WDR33: variants seen among roughly 807,000 people sequenced by gnomAD.
The protein encoded by WDR33 is pre-mRNA 3' end processing protein WDR33.
A neutral mutation model predicts 164.9 loss-of-function variants in WDR33; 47 were observed. That is an observed-to-expected ratio of 0.29 (90% CI 0.23 to 0.36). The LOEUF (loss-of-function observed/expected upper bound fraction) is 0.36. WDR33 is among the 10% of genes least tolerant of loss of function. The pLI is 1.00. For synonymous variants in WDR33, 505 were observed against 589.0 expected (o/e 0.86, Z 2.06); for missense variants, 1,137 against 1,754.1 (o/e 0.65, Z 6.28).
rs956709161 is a variant in WDR33 at position 127,701,137 on chromosome 2, C to A, written c.*5186G>T. ...ATTCCTCCATGTTGCAAAACTAGCA[C>A]AATATCACCGCCACGGTAGACGCAG... On this transcript the variant is annotated 3_prime_UTR_variant, in exon 22 of 22. Coordinates refer to ENST00000322313, the MANE Select transcript of WDR33 (RefSeq NM_018383.5). 6.1e-6 allele frequency: 1 copy of A among 162,730 alleles called. No homozygotes were observed. The highest frequency in any genetic ancestry group is 1.3e-5 in the Non-Finnish European group (1 of 75,238). The allele number at this position is 162,730 out of a possible 1,614,324, so 10.1% of individuals were successfully genotyped here.
Position 127,718,412 on chromosome 2 carries a change from G to C in WDR33, c.2760+853C>G, listed in dbSNP as rs1686347315. ...TATTCATACCCAAATAATGCCTCCA[G>C]ACTAAGAACTTGAGAAAAGCATAAA... is the stretch of plus-strand genomic sequence containing the variant. On this transcript the variant is annotated intron_variant, in intron 16 of 21. Coordinates refer to ENST00000322313, the MANE Select transcript of WDR33 (RefSeq NM_018383.5). This position sits in a 1 kb window ranked among gnomAD's most constrained non-coding sequence, Gnocchi z 4.4. 6.6e-6 allele frequency among the ~76,000 whole-genome samples: 1 copy of C among 152,046 alleles called. No individual in the cohort carries two copies. Among genetic ancestry groups the C allele is most frequent in the Non-Finnish European group, 1.5e-5 (1 of 68,012 alleles).
At chr2:127,761,565 C>G (rs945099115) in intron 7 of WDR33, among the ~76,000 whole-genome samples, 2 of 152,144 alleles carry the variant, frequency 1.3e-5, no homozygotes, top group Non-Finnish European at 2.9e-5. Flanking sequence ...ATTTTAAAAA[C>G]TTAGAAAATG....
At chr2:127,805,664 G>T (rs1186948314) in intron 1 of WDR33, among the ~76,000 whole-genome samples, 1 of 152,038 alleles carries the variant, frequency 6.6e-6, no homozygotes, top group Admixed American at 6.6e-5. Flanking sequence ...CAAAAAGCAG[G>T]CCAAGAAGAT....
At chr2:127,802,635 A>G (rs1358528191) in intron 1 of WDR33, among the ~76,000 whole-genome samples, 2 of 152,164 alleles carry the variant, frequency 1.3e-5, no homozygotes, top group African/African-American at 2.4e-5. Context: ...ACAGGTGCTT[A>G]AAAATTTTTT....
rs1410814408 is a variant in WDR33, at chr2:127,735,886, T to C, written c.725-9109A>G. 1 of 985,370 alleles carries C rather than the reference T, an allele frequency of 1.0e-6. No homozygotes were observed. The highest frequency in any genetic ancestry group is 1.2e-6 in the Non-Finnish European group (1 of 829,946). 61.0% of individuals were successfully genotyped at this position (985,370 alleles called of 1,614,324 possible). ...TTGGAGTGATTACTATTAGTCATCT[T>C]TGTTGTCCAGTCTAGAAAGTTACAT... On this transcript the variant is annotated intron_variant, in intron 7 of 21. Coordinates refer to ENST00000322313, the MANE Select transcript of WDR33 (RefSeq NM_018383.5). The surrounding 1 kb of genome is among the most constrained non-coding windows in gnomAD (Gnocchi z 4.3).
intron 4 of WDR33, among the ~76,000 whole-genome samples, chr2:127,766,721 TA>T (rs369791713): frequency 0.022 from 3,219 of 148,768 alleles, 125 homozygotes; most frequent in African/African-American, 0.076. Flanking sequence ...ATTCCCTGAT[TA>T]AAAAAAAAAT....
In WDR33 at chr2:127,701,994, A is replaced by G; in HGVS notation, c.*4329T>C. On this transcript the variant is annotated 3_prime_UTR_variant, in exon 22 of 22. Transcript: ENST00000322313. Reference sequence around the variant, plus strand: ...GCTCTACATGGCAGCGCTGGGCGCCACGCTGTTCGCCGCGCTGGGCCTTCG... The same window carrying G: ...GCTCTACATGGCAGCGCTGGGCGCCGCGCTGTTCGCCGCGCTGGGCCTTCG... 7.5e-7 allele frequency: 1 copy of G among 1,332,596 alleles called. No individual in the cohort carries two copies. Among genetic ancestry groups the G allele is most frequent in the East Asian group, 3.3e-5 (1 of 30,446 alleles). The allele number at this position is 1,332,596 out of a possible 1,614,324, so 82.5% of individuals were successfully genotyped here. A position where few individuals can be genotyped will look rare whatever the true frequency, so the allele number is the denominator to read the frequency against.
chr2:127,706,421 G>A lies in WDR33; in HGVS notation c.3913C>T (p.Arg1305Ter). The change falls in exon 22 of 22, where the codon CGA (arginine) becomes TGA (stop). Residue 1305 changes from arginine to a stop codon, truncating the protein, a stop_gained. Transcript: ENST00000322313. LOFTEE classifies it high-confidence loss of function. This position sits in a 1 kb window ranked among gnomAD's most constrained non-coding sequence, Gnocchi z 5.1. The stretch of plus-strand genomic sequence containing the variant: ...CAGTTACTGCCACTCCGGCCCCCTC[G>A]AGAAGGGGTGCCACTGCCTGGAGGG... ...GGPPGSGTPSRGGRSGSNWGR... is the reference protein window; with the variant it reads ...GGPPGSGTPS 2 of 1,613,786 alleles carry A rather than the reference G, an allele frequency of 1.2e-6. No homozygotes were observed. The highest frequency in any genetic ancestry group is 1.7e-6 in the Non-Finnish European group (2 of 1,179,882).
Position 127,764,567 on chromosome 2 carries a change from G to C in WDR33, c.626+261C>G. On this transcript the variant is annotated intron_variant, in intron 6 of 21. Transcript: ENST00000322313. This position sits in a 1 kb window ranked among gnomAD's most constrained non-coding sequence, Gnocchi z 6.2. Reference sequence around the variant, plus strand: ...CGTATACACATTATTAATCATAAATGAAAAGAGAAAACCAGTGCAAAATGC... The same window carrying C: ...CGTATACACATTATTAATCATAAATCAAAAGAGAAAACCAGTGCAAAATGC... The C allele has an allele frequency of 6.5e-7, 1 of 1,550,064 alleles. No individual in the cohort carries two copies. The highest frequency in any genetic ancestry group is 1.7e-4 in the Middle Eastern group (1 of 5,986).
rs1486982700 is a variant in WDR33 at position 127,724,044 on chromosome 2, C to T, written c.1196+289G>A. On this transcript the variant is annotated intron_variant, in intron 11 of 21. Coordinates refer to ENST00000322313, the MANE Select transcript of WDR33 (RefSeq NM_018383.5). The surrounding 1 kb of genome is among the most constrained non-coding windows in gnomAD (Gnocchi z 4.8). ...AGTGAGCTGAGACCGCACCATTGCA[C>T]GCCAGCCTGGACAGAGACCCTGTCT... Among the ~76,000 whole-genome samples the T allele has an allele frequency of 2.6e-5, 4 of 151,492 alleles. No individual in the cohort carries two copies. Among genetic ancestry groups the T allele is most frequent in the South Asian group, 2.1e-4 (1 of 4,746 alleles).
intron 2 of WDR33, 39 bp from the exon 3 acceptor site, chr2:127,769,040 G>C: frequency 1.6e-6 from 1 of 612,882 alleles, no homozygotes; most frequent in Non-Finnish European, 2.2e-6. Flanking sequence ...TAAATAAATA[G>C]ATCAATTAAT....
At chr2:127,737,084 G>T (rs958321780) in intron 7 of WDR33, 27 of 985,220 alleles carry the variant, frequency 2.7e-5, no homozygotes, top group African/African-American at 3.5e-5. Context: ...TATGTTTTGT[G>T]CTAACCAGCA....
chr2:127,703,680 T>G lies in WDR33; in HGVS notation c.*2643A>C, dbSNP rs1685946755. ...AGTATCTTCAGAATGATTTATTTTTTTAATTAATTGTAAAGACTTGTGCCA... is the reference window on the plus strand; with the variant it reads ...AGTATCTTCAGAATGATTTATTTTTGTAATTAATTGTAAAGACTTGTGCCA... On this transcript the variant is annotated 3_prime_UTR_variant, in exon 22 of 22. Transcript: ENST00000322313. 2 of 167,116 alleles carry G rather than the reference T, an allele frequency of 1.2e-5. No homozygotes were observed. The highest frequency in any genetic ancestry group is 2.9e-5 in the Non-Finnish European group (2 of 68,136). 10.4% of individuals were successfully genotyped at this position (167,116 alleles called of 1,614,324 possible).
intron 7 of WDR33, among the ~76,000 whole-genome samples, chr2:127,761,628 A>AT (rs1246682022): frequency 6.6e-6 from 1 of 152,240 alleles, no homozygotes; most frequent in Non-Finnish European, 1.5e-5. Flanking sequence ...AAGATTCAAC[A>AT]TAAGTGTGGC....
chr2:127,795,389 G>A (rs1689003179), intron 1 of WDR33, among the ~76,000 whole-genome samples: 1 of 151,858 alleles, frequency 6.6e-6, no homozygotes, highest in Non-Finnish European at 1.5e-5. Context: ...GTGAGCCATC[G>A]TGCCCTGCCT....
intron 1 of WDR33, among the ~76,000 whole-genome samples, chr2:127,787,562 C>T (rs1688634413): frequency 1.8e-5 from 2 of 108,678 alleles, no homozygotes; most frequent in Admixed American, 1.6e-4. Context: ...CCCTCCCGGA[C>T]GGGGCGGCTG....
chr2:127,793,592 T>G (rs1353337874), intron 1 of WDR33, among the ~76,000 whole-genome samples: 1 of 151,824 alleles, frequency 6.6e-6, no homozygotes, highest in African/African-American at 2.4e-5. Context: ...ATAAAATAAA[T>G]TAGCCGGGCA....
At chr2:127,754,634 G>T (rs1295659222) in intron 7 of WDR33, among the ~76,000 whole-genome samples, 1 of 148,868 alleles carries the variant, frequency 6.7e-6, no homozygotes, top group Admixed American at 6.7e-5. Context: ...TGTTGCCCAG[G>T]CTGGTCTCAA....
At chr2:127,749,464 C>T (rs1687254434) in intron 7 of WDR33, among the ~76,000 whole-genome samples, 2 of 151,876 alleles carry the variant, frequency 1.3e-5, no homozygotes, top group Non-Finnish European at 2.9e-5. Flanking sequence ...GGGTTTGAGA[C>T]CAGCCTGGCC....
Sources: gnomAD v4.1 joint callset for allele counts (sites outside exome capture counted in the v4.1 genomes callset) on GRCh38, gnomAD v4.1.1 for gene constraint, Gnocchi (gnomAD v3.1) non-coding constraint, MANE v1.5 for transcripts, NCBI Gene and HGNC (gene_info 2026-07-23, HGNC 2026-07-21) for gene names.